Variants in MAML2 observed in about 807,000 individuals in gnomAD.
MAML2 encodes mastermind like transcriptional coactivator 2, also known as mastermind-like protein 2.
In MAML2, 22 loss-of-function variants were observed where a neutral mutation model predicts 96.1. The observed-to-expected ratio is 0.23, with a 90% CI of 0.16 to 0.33. The LOEUF is 0.33. Among genes scored for constraint, MAML2 ranks in the 10% least tolerant of loss-of-function variants. The pLI, the probability that MAML2 is intolerant of heterozygous loss-of-function variation, is 1.00. For synonymous variants in MAML2, 561 were observed against 521.3 expected (o/e 1.08, Z -1.04); for missense variants, 1,367 against 1,392.4 (o/e 0.98, Z 0.29).
intron 1 of MAML2, among the ~76,000 whole-genome samples, chr11:96,165,185 C>A (rs1210733407): frequency 6.6e-6 from 1 of 152,152 alleles, no homozygotes; most frequent in Admixed American, 6.5e-5. Flanking sequence ...TTTTTCCCTA[C>A]ACGTTGCAAT....
At chr11:96,204,422 G>A (rs1235396601) in intron 1 of MAML2, among the ~76,000 whole-genome samples, 1 of 152,196 alleles carries the variant, frequency 6.6e-6, no homozygotes. Context: ...GGCAAGTTCT[G>A]TAACAGAAAT....
chr11:96,080,546 A>AG, intron 2 of MAML2, among the ~76,000 whole-genome samples: 1 of 152,354 alleles, frequency 6.6e-6, no homozygotes, highest in African/African-American at 2.4e-5. Flanking sequence ...AGGCCTGATG[A>AG]GTCAAGGTAA....
At chr11:96,066,606 G>A (rs1465482068) in intron 2 of MAML2, among the ~76,000 whole-genome samples, 4 of 152,144 alleles carry the variant, frequency 2.6e-5, no homozygotes, top group African/African-American at 7.2e-5. Flanking sequence ...AATCCCATAG[G>A]AATGAATTAT....
intron 1 of MAML2, among the ~76,000 whole-genome samples, chr11:96,207,854 C>T (rs1046518272): frequency 5.9e-5 from 9 of 152,212 alleles, no homozygotes; most frequent in South Asian, 2.1e-4. Context: ...TAAACATATA[C>T]GGTCATCACT....
chr11:96,047,413 CTCT>C (rs1858919271), intron 2 of MAML2, among the ~76,000 whole-genome samples: 1 of 152,094 alleles, frequency 6.6e-6, no homozygotes, highest in Non-Finnish European at 1.5e-5. Context: ...CTTCAGTATC[CTCT>C]TCTTTAAGTG....
At chr11:96,069,762 C>T (rs946180935) in intron 2 of MAML2, among the ~76,000 whole-genome samples, 1 of 152,174 alleles carries the variant, frequency 6.6e-6, no homozygotes, top group Non-Finnish European at 1.5e-5. Context: ...CAGTGGCTCA[C>T]ACCTGTAATC....
Position 96,341,563 on chromosome 11 carries a change from G to A in MAML2, c.333C>T (p.Ala111=). The change falls in exon 1 of 5, where the codon GCC becomes GCT. Residue 111 remains alanine, a synonymous_variant. Coordinates refer to ENST00000524717, the MANE Select transcript of MAML2 (RefSeq NM_032427.4). The stretch of plus-strand genomic sequence containing the variant: ...CTGCTGCTTGGGAGGCCGCAGGAGG[G>A]GCAGCAGGGGGCGGTGGAGGGGCTG... ...TTTAPPPPPA[A]PPAASQAAAT... The A allele has an allele frequency of 6.4e-7, 1 of 1,551,230 alleles. No individual in the cohort carries two copies. Among genetic ancestry groups the A allele is most frequent in the Non-Finnish European group, 8.7e-7 (1 of 1,146,938 alleles).
At chr11:96,031,791 C>T (rs966156416) in intron 2 of MAML2, among the ~76,000 whole-genome samples, 2 of 152,030 alleles carry the variant, frequency 1.3e-5, no homozygotes, top group African/African-American at 4.8e-5. Context: ...CGAGACCACC[C>T]TGGCTAACAT....
intron 1 of MAML2, among the ~76,000 whole-genome samples, chr11:96,117,524 T>A (rs1798590613): frequency 6.6e-6 from 1 of 152,004 alleles, no homozygotes; most frequent in Admixed American, 6.6e-5. Flanking sequence ...GATCTCAAAC[T>A]CCTGAGCTCA....
intron 1 of MAML2, among the ~76,000 whole-genome samples, chr11:96,249,769 G>A (rs1395398024): frequency 6.6e-6 from 1 of 152,054 alleles, no homozygotes; most frequent in Non-Finnish European, 1.5e-5. Flanking sequence ...TCCAACTTGT[G>A]CAACTATGCA....
chr11:96,282,107 G>A (rs1345114181), intron 1 of MAML2, among the ~76,000 whole-genome samples: 1 of 151,860 alleles, frequency 6.6e-6, no homozygotes, highest in Non-Finnish European at 1.5e-5. Flanking sequence ...AAATTAGCTG[G>A]GCGTGGTGGC....
intron 1 of MAML2, among the ~76,000 whole-genome samples, chr11:96,266,185 C>A (rs559739388): frequency 1.3e-5 from 2 of 152,236 alleles, no homozygotes; most frequent in South Asian, 2.1e-4. Context: ...ACTTCCCCAT[C>A]GTACACCCTG....
chr11:96,086,674 T>C (rs1223355532), intron 2 of MAML2, among the ~76,000 whole-genome samples: 2 of 152,218 alleles, frequency 1.3e-5, no homozygotes, highest in African/African-American at 4.8e-5. Context: ...GTAGCATCAG[T>C]AATCCAGAAC....
At chr11:96,022,877 G>A (rs1047928921) in intron 2 of MAML2, among the ~76,000 whole-genome samples, 1 of 152,180 alleles carries the variant, frequency 6.6e-6, no homozygotes, top group African/African-American at 2.4e-5. Context: ...TGGAACAGAT[G>A]GGCAGATGGA....
intron 2 of MAML2, among the ~76,000 whole-genome samples, chr11:95,992,600 G>A (rs1857930634): frequency 6.6e-6 from 1 of 152,172 alleles, no homozygotes; most frequent in Non-Finnish European, 1.5e-5. Context: ...TATCACCTTA[G>A]AGAATTTATC....
chr11:96,216,155 T>G (rs912720899), intron 1 of MAML2, among the ~76,000 whole-genome samples: 9 of 152,168 alleles, frequency 5.9e-5, no homozygotes, highest in African/African-American at 1.9e-4. Context: ...TAGGCATGCT[T>G]AAACCAGAAG....
chr11:96,159,869 T>C (rs1444705544), intron 1 of MAML2, among the ~76,000 whole-genome samples: 3 of 152,216 alleles, frequency 2.0e-5, no homozygotes, highest in Non-Finnish European at 4.4e-5. Context: ...CTGATGCTGC[T>C]GGTCTGGGAA....
chr11:95,979,215 C>A lies in MAML2; in HGVS notation c.3204G>T (p.Gly1068=), dbSNP rs764758653. 6 of 1,614,002 alleles carry A rather than the reference C, an allele frequency of 3.7e-6. No homozygotes were observed. In the South Asian group the frequency reaches 6.6e-5, roughly 18 times the overall value. Residue 1068 remains glycine (G), a synonymous_variant, in exon 5 of 5, where the codon GGG becomes GGT. Coordinates refer to ENST00000524717, the MANE Select transcript of MAML2 (RefSeq NM_032427.4). ...ILPNLNQSGT[G]LNQSRTGINQ... ...TGATGCCCGTCCTCGACTGATTCAACCCTGTTCCTGACTGATTCAAATTAG... is the reference window on the plus strand; with the variant it reads ...TGATGCCCGTCCTCGACTGATTCAAACCTGTTCCTGACTGATTCAAATTAG...
chr11:96,323,738 A>G (rs1863739960), intron 1 of MAML2, among the ~76,000 whole-genome samples: 2 of 152,184 alleles, frequency 1.3e-5, no homozygotes, highest in Admixed American at 6.5e-5. Flanking sequence ...TATCTCAGAA[A>G]CCGGTCAGCC....
Sources: allele counts gnomAD v4.1 joint callset (sites outside exome capture counted in the v4.1 genomes callset), GRCh38; gene constraint gnomAD v4.1.1; transcripts MANE v1.5; gene names NCBI Gene and HGNC (gene_info 2026-07-23, HGNC 2026-07-21).